ETFA: variants seen among roughly 807,000 people sequenced by gnomAD.
The protein encoded by ETFA is electron transfer flavoprotein subunit alpha, mitochondrial.
A neutral mutation model predicts 46.2 loss-of-function variants in ETFA; 22 were observed. The observed-to-expected ratio is 0.48, with a 90% confidence interval of 0.34 to 0.68. The LOEUF (loss-of-function observed/expected upper bound fraction) is 0.68. Ranked by LOEUF, ETFA falls within the 30% of genes least tolerant of loss-of-function variation. The pLI is 0.01. For synonymous variants in ETFA, 131 were observed against 139.9 expected (o/e 0.94, Z 0.45); for missense variants, 345 against 401.1 (o/e 0.86, Z 1.19).
At chr15:76,290,511 A>T (rs866293160) in intron 4 of ETFA, among the ~76,000 whole-genome samples, 3 of 146,482 alleles carry the variant, frequency 2.0e-5, no homozygotes, top group Admixed American at 6.9e-5. Context: ...CACTCAGCTA[A>T]TTTTTTTTTT....
At chr15:76,232,192 A>T (rs1034574519) in intron 9 of ETFA, among the ~76,000 whole-genome samples, 1 of 152,178 alleles carries the variant, frequency 6.6e-6, no homozygotes, top group East Asian at 1.9e-4. Flanking sequence ...GATGACTGAC[A>T]CTGTTCTGTC....
At chr15:76,259,205 G>T in intron 9 of ETFA, 1 of 1,541,190 alleles carries the variant, frequency 6.5e-7, no homozygotes, top group Non-Finnish European at 9.0e-7. Context: ...GCAGCTCCAG[G>T]CTGCCTCCCA....
intron 7 of ETFA, chr15:76,284,723 C>T: frequency 5.0e-6 from 1 of 198,286 alleles, no homozygotes; most frequent in Non-Finnish European, 1.1e-5. Flanking sequence ...AACACTTGAC[C>T]TCGGGTGATC....
intron 1 of ETFA, among the ~76,000 whole-genome samples, chr15:76,304,783 A>G (rs776951934): frequency 1.1e-4 from 16 of 152,186 alleles, no homozygotes; most frequent in Admixed American, 5.9e-4. Flanking sequence ...GGTGGCTCAC[A>G]CCTGTAATCC....
At chr15:76,279,844 T>C (rs1261352508) in intron 8 of ETFA, among the ~76,000 whole-genome samples, 1 of 151,822 alleles carries the variant, frequency 6.6e-6, no homozygotes, top group Admixed American at 6.6e-5. Context: ...TCCTTTTCTC[T>C]CTTAGCTCTC....
At chr15:76,234,852 A>G (rs773236414) in intron 9 of ETFA, among the ~76,000 whole-genome samples, 6 of 152,210 alleles carry the variant, frequency 3.9e-5, no homozygotes, top group Non-Finnish European at 5.9e-5. Context: ...AGAAAAAAGC[A>G]CAAATACCTC....
In ETFA at chr15:76,311,419, A is replaced by AC; in HGVS notation, c.-32dup. The AC allele has an allele frequency of 6.4e-7, 1 of 1,550,866 alleles. No homozygotes were observed. The highest frequency in any genetic ancestry group is 1.4e-5 in the African/African-American group (1 of 73,434). On this transcript the variant is annotated 5_prime_UTR_variant, in exon 1 of 12. Transcript: ENST00000557943. ...CCGCTTCCGCCGCAACCTCGGCCTT[A>AC]CAGCAGCCCCGTGCCCGGCCAACTG...
At chr15:76,243,633 T>C (rs60017340) in intron 9 of ETFA, among the ~76,000 whole-genome samples, 39,389 of 151,480 alleles carry the variant, frequency 0.26, 5,795 homozygotes, top group East Asian at 0.56. Context: ...ACCCCGCCTC[T>C]GCTAAAAATA....
intron 9 of ETFA, among the ~76,000 whole-genome samples, chr15:76,252,782 AAT>A (rs1185930947): frequency 6.6e-6 from 1 of 152,100 alleles, no homozygotes; most frequent in Non-Finnish European, 1.5e-5. Context: ...TATATAAGAG[AAT>A]ATTTCTATTC....
intron 10 of ETFA, among the ~76,000 whole-genome samples, chr15:76,227,490 T>C (rs1365633767): frequency 9.3e-6 from 1 of 107,352 alleles, no homozygotes; most frequent in African/African-American, 3.9e-5. Flanking sequence ...TATGTTAGCA[T>C]GGGTGACAGA....
chr15:76,244,165 G>A (rs60290059), intron 9 of ETFA, among the ~76,000 whole-genome samples: 43,307 of 152,072 alleles, frequency 0.28, 6,590 homozygotes, highest in East Asian at 0.57. Context: ...GATTACAGGC[G>A]TGAGCCACCA....
chr15:76,286,466 G>A lies in ETFA; in HGVS notation c.467C>T (p.Thr156Ile), dbSNP rs199597352. The change falls in exon 6 of 12, where the codon ACA (threonine) becomes ATA (isoleucine). Residue 156 changes from threonine (T) to isoleucine (I), a missense_variant. By Grantham distance (89) the Thr-to-Ile change is moderately conservative. Coordinates refer to ENST00000557943, the MANE Select transcript of ETFA (RefSeq NM_000126.4). ...TTTCACTTTCTCATCACACTTCACT[G>A]TACATAGAGCATTTCCTGAAACATA... is the stretch of plus-strand genomic sequence containing the variant. ...RTIYAGNALC[T>I]VKCDEKVKVF... 9.3e-6 allele frequency: 15 copies of A among 1,609,126 alleles called. No individual in the cohort carries two copies. In the African/African-American group the frequency reaches 2.0e-4, roughly 22 times the overall value.
intron 9 of ETFA, among the ~76,000 whole-genome samples, chr15:76,240,982 C>T (rs1175884424): frequency 6.6e-6 from 1 of 151,632 alleles, no homozygotes; most frequent in Non-Finnish European, 1.5e-5. Context: ...AAATGCTTTG[C>T]ATTTACCTAA....
At chr15:76,311,149 C>T (rs1479707858) in intron 1 of ETFA, among the ~76,000 whole-genome samples, 1 of 152,258 alleles carries the variant, frequency 6.6e-6, no homozygotes, top group Non-Finnish European at 1.5e-5. Context: ...CCCCAAACCT[C>T]TGACTTCTGC....
intron 9 of ETFA, among the ~76,000 whole-genome samples, chr15:76,272,347 A>G (rs774410809): frequency 2.6e-5 from 4 of 151,470 alleles, no homozygotes; most frequent in Non-Finnish European, 5.9e-5. Context: ...CAACCCCCAC[A>G]GTAGCTGGGA....
At chr15:76,255,274 T>C (rs2039336936) in intron 9 of ETFA, among the ~76,000 whole-genome samples, 1 of 152,260 alleles carries the variant, frequency 6.6e-6, no homozygotes, top group Non-Finnish European at 1.5e-5. Context: ...TGATGACTAT[T>C]TTCAAAACAA....
At chr15:76,272,501 T>A (rs1014835586) in intron 9 of ETFA, among the ~76,000 whole-genome samples, 6 of 152,188 alleles carry the variant, frequency 3.9e-5, no homozygotes, top group African/African-American at 1.4e-4. Flanking sequence ...ATTACAGGCT[T>A]GAGCCACTGC....
intron 9 of ETFA, chr15:76,260,751 C>A (rs2039402091): frequency 2.5e-6 from 4 of 1,605,090 alleles, no homozygotes; most frequent in African/African-American, 2.7e-5. Context: ...TGGGGCTAGA[C>A]CCTTGGTCTG....
chr15:76,243,564 G>A (rs1252207941), intron 9 of ETFA, among the ~76,000 whole-genome samples: 3 of 151,636 alleles, frequency 2.0e-5, no homozygotes, highest in South Asian at 2.1e-4. Flanking sequence ...TTGGGAGGCC[G>A]AGGCGGGTGG....
Sources: gnomAD v4.1 joint callset for allele counts (sites outside exome capture counted in the v4.1 genomes callset) on GRCh38, gnomAD v4.1.1 for gene constraint, MANE v1.5 for transcripts, NCBI Gene and HGNC (gene_info 2026-07-23, HGNC 2026-07-21) for gene names.